Variants in KCNMA1 observed in about 807,000 individuals in gnomAD.
KCNMA1 encodes Calcium-activated potassium channel subunit alpha-1.
In KCNMA1, 29 loss-of-function variants were observed where a neutral mutation model predicts 140.0. That is an observed-to-expected ratio of 0.21 (90% CI 0.15 to 0.28). KCNMA1 has a LOEUF of 0.28. Ranked by LOEUF, KCNMA1 falls within the 10% of genes least tolerant of loss-of-function variation. The pLI is 1.00. For synonymous variants in KCNMA1, 612 were observed against 611.9 expected, an observed-to-expected ratio of 1.00 and a Z score of 0.00; for missense variants, 880 against 1,602.2, an observed-to-expected ratio of 0.55 and a Z score of 7.70.
chr10:77,397,937 G>T lies in KCNMA1; in HGVS notation c.540+5925C>A, dbSNP rs558034387. On this transcript the variant is annotated intron_variant, in intron 2 of 27. Transcript: ENST00000286628. ...TAGTTCCATCCATGTTGCTGCAAAA[G>T]ACATGATTTCATTCTTTTTTATGGC... Among the ~76,000 whole-genome samples, 6 of 152,108 alleles carry T rather than the reference G, an allele frequency of 3.9e-5. No homozygotes were observed. In the Middle Eastern group the frequency reaches 0.01, roughly 260 times the overall value.
intron 19 of KCNMA1, among the ~76,000 whole-genome samples, chr10:76,984,460 G>A (rs994282087): frequency 3.3e-5 from 5 of 152,000 alleles, no homozygotes; most frequent in African/African-American, 9.7e-5. Context: ...AAAGTTCTGG[G>A]GTTACAGACG....
intron 1 of KCNMA1, among the ~76,000 whole-genome samples, chr10:77,476,881 T>A (rs2098291394): frequency 6.6e-6 from 1 of 152,244 alleles, no homozygotes; most frequent in Non-Finnish European, 1.5e-5. Context: ...TTCCTATGTG[T>A]TAGTCACAGC....
chr10:77,023,134 A>G (rs2093045449), intron 16 of KCNMA1, among the ~76,000 whole-genome samples: 1 of 152,196 alleles, frequency 6.6e-6, no homozygotes, highest in African/African-American at 2.4e-5. Context: ...ATCTCTCGCT[A>G]AACACTGGTC....
intron 20 of KCNMA1, among the ~76,000 whole-genome samples, chr10:76,968,331 G>A (rs116897933): frequency 7.8e-4 from 118 of 152,172 alleles, no homozygotes; most frequent in Non-Finnish European, 1.5e-3. Context: ...GTACCCTTAA[G>A]CAGCAAAACT....
At chr10:77,166,244 A>G (rs2098640853) in intron 5 of KCNMA1, among the ~76,000 whole-genome samples, 2 of 152,186 alleles carry the variant, frequency 1.3e-5, no homozygotes. Flanking sequence ...AGACACCAAA[A>G]CATGAGAAAG....
In KCNMA1 at chr10:77,198,360, G is replaced by C. The variant is rs111615677; in HGVS notation, c.603-13444C>G. 9.9e-4 allele frequency among the ~76,000 whole-genome samples: 150 copies of C among 152,116 alleles called. 1 individual carries two copies. Among genetic ancestry groups the C allele is most frequent in the African/African-American group, 3.4e-3 (142 of 41,504 alleles). On this transcript the variant is annotated intron_variant, in intron 3 of 27. Transcript: ENST00000286628. Reference sequence around the variant, plus strand: ...GGTGGTGCAAGGGTAGGGACTCTATGCATCTATACCCCTGAAAGCCATTTA... The same window carrying C: ...GGTGGTGCAAGGGTAGGGACTCTATCCATCTATACCCCTGAAAGCCATTTA...
At chr10:77,117,585 AATTAGAG>A in intron 6 of KCNMA1, among the ~76,000 whole-genome samples, 2 of 151,738 alleles carry the variant, frequency 1.3e-5, no homozygotes, top group Admixed American at 6.6e-5. Flanking sequence ...AGAAAAGAAA[AATTAGAG>A]GAAACAATAA....
intron 1 of KCNMA1, among the ~76,000 whole-genome samples, chr10:77,441,620 T>C (rs1291180144): frequency 6.6e-6 from 1 of 152,112 alleles, no homozygotes; most frequent in African/African-American, 2.4e-5. Flanking sequence ...TTAATCTTTC[T>C]GTTGACCAAA....
At chr10:76,905,713 C>T (rs1353878526) in intron 25 of KCNMA1, among the ~76,000 whole-genome samples, 8 of 152,190 alleles carry the variant, frequency 5.3e-5, no homozygotes, top group Non-Finnish European at 1.2e-4. Context: ...TCTCCACACC[C>T]ATTCAAGCTA....
intron 2 of KCNMA1, among the ~76,000 whole-genome samples, chr10:77,358,511 T>C (rs2093685568): frequency 6.6e-6 from 1 of 152,070 alleles, no homozygotes; most frequent in African/African-American, 2.4e-5. Flanking sequence ...ACCTAACAAG[T>C]GATTGGCCCC....
chr10:76,922,086 G>A (rs191239161), intron 23 of KCNMA1, among the ~76,000 whole-genome samples: 42 of 152,240 alleles, frequency 2.8e-4, no homozygotes, highest in Non-Finnish European at 1.0e-4. Context: ...TGACTCCCCC[G>A]CACAAAGCCT....
At chr10:77,607,264 C>A (rs2084886304) in intron 1 of KCNMA1, among the ~76,000 whole-genome samples, 1 of 152,156 alleles carries the variant, frequency 6.6e-6, no homozygotes, top group South Asian at 2.1e-4. Flanking sequence ...CTGGCCAGTG[C>A]CAGCTGACGG....
chr10:77,184,062 T>TCACACACA (rs3068684), intron 4 of KCNMA1, among the ~76,000 whole-genome samples: 18,808 of 147,866 alleles, frequency 0.13, 1,347 homozygotes, highest in Middle Eastern at 0.18. Context: ...ATGTACGCAT[T>TCACACACA]CACACACACA....
chr10:77,459,830 C>T (rs115081640), intron 1 of KCNMA1, among the ~76,000 whole-genome samples: 48 of 152,294 alleles, frequency 3.2e-4, no homozygotes, highest in African/African-American at 8.7e-4. Context: ...TGGCCTTAGG[C>T]GCACTATTTG....
At chr10:77,220,751 T>C (rs1005006602) in intron 3 of KCNMA1, among the ~76,000 whole-genome samples, 14 of 147,192 alleles carry the variant, frequency 9.5e-5, no homozygotes, top group African/African-American at 3.5e-4. Context: ...TAGCCATATA[T>C]TCCAGTTTCT....
At chr10:77,591,984 G>A (rs16935116) in intron 1 of KCNMA1, among the ~76,000 whole-genome samples, 3,895 of 152,216 alleles carry the variant, frequency 0.026, 81 homozygotes, top group Non-Finnish European at 0.042. Flanking sequence ...CTCCACTAAT[G>A]CCTGGGAGTT....
chr10:77,054,896 A>C (rs1279078909), intron 14 of KCNMA1, among the ~76,000 whole-genome samples: 1 of 152,154 alleles, frequency 6.6e-6, no homozygotes, highest in Non-Finnish European at 1.5e-5. Context: ...CAGGAGACGC[A>C]CAGGATGCCA....
intron 19 of KCNMA1, 48 bp downstream of exon 19, chr10:77,001,359 C>T (rs142297858): frequency 1.1e-5 from 16 of 1,513,510 alleles, no homozygotes; most frequent in Middle Eastern, 1.7e-4. Flanking sequence ...AGGGATGATA[C>T]CACAGACAGC....
At chr10:77,569,757 G>T (rs1203227482) in intron 1 of KCNMA1, among the ~76,000 whole-genome samples, 1 of 152,180 alleles carries the variant, frequency 6.6e-6, no homozygotes, top group Non-Finnish European at 1.5e-5. Context: ...AAACTCAAGA[G>T]CTTCTGCACA....
Sources: allele counts gnomAD v4.1 joint callset (sites outside exome capture counted in the v4.1 genomes callset), GRCh38; gene constraint gnomAD v4.1.1; transcripts MANE v1.5; gene names NCBI Gene and HGNC (gene_info 2026-07-23, HGNC 2026-07-21).